RNF180: variants seen among roughly 807,000 people sequenced by gnomAD.
RNF180 encodes the protein ring finger protein 180.
RNF180 carries 38 observed loss-of-function variants against 59.2 expected under a neutral mutation model. The ratio of observed to expected loss-of-function variants is 0.64; its 90% CI spans 0.50 to 0.84. The LOEUF (loss-of-function observed/expected upper bound fraction) is 0.84, where lower values mean the gene tolerates loss of function less well. Ranked by LOEUF, RNF180 falls within the 40% of genes least tolerant of loss-of-function variation. The pLI is 0.00. For synonymous variants in RNF180, 262 were observed against 240.3 expected (o/e 1.09, Z -0.84); for missense variants, 705 against 700.9 (o/e 1.01, Z -0.07).
chr5:64,326,514 GCTGCATATT>G (rs1423399279), intron 6 of RNF180, among the ~76,000 whole-genome samples: 1 of 152,074 alleles, frequency 6.6e-6, no homozygotes, highest in African/African-American at 2.4e-5. Context: ...CTGCCATCAG[GCTGCATATT>G]CAGCTGGAGA....
chr5:64,180,588 G>A (rs939496132), intron 1 of RNF180, among the ~76,000 whole-genome samples: 2 of 152,074 alleles, frequency 1.3e-5, no homozygotes, highest in Admixed American at 6.5e-5. Flanking sequence ...GCAGGAGGAA[G>A]TACCTTAATT....
intron 2 of RNF180, among the ~76,000 whole-genome samples, chr5:64,207,577 A>T (rs1054472798): frequency 3.9e-4 from 60 of 152,154 alleles, no homozygotes; most frequent in Admixed American, 1.3e-4. Flanking sequence ...AGTCAGTGGG[A>T]GGAAGTAACA....
chr5:64,327,398 C>T (rs1744695369), intron 6 of RNF180, among the ~76,000 whole-genome samples: 1 of 151,990 alleles, frequency 6.6e-6, no homozygotes, highest in Non-Finnish European at 1.5e-5. Flanking sequence ...TGAAATCCTT[C>T]TAGTGCTTTG....
At chr5:64,300,164 T>C (rs1383728317) in intron 5 of RNF180, among the ~76,000 whole-genome samples, 1 of 151,674 alleles carries the variant, frequency 6.6e-6, no homozygotes, top group Non-Finnish European at 1.5e-5. Flanking sequence ...AGTGAAAAGG[T>C]GAAAATTCTC....
chr5:64,364,754 T>C (rs1053723615), intron 7 of RNF180, among the ~76,000 whole-genome samples: 2 of 151,746 alleles, frequency 1.3e-5, no homozygotes, highest in Non-Finnish European at 2.9e-5. Flanking sequence ...GAGGTCATTA[T>C]TGTTTTCTTT....
At position 64,234,578 on chromosome 5, in the gene RNF180, C is replaced by CTTTTTTTTT. The variant is rs1171637074; in HGVS notation, c.1227+17213_1227+17221dup. The stretch of plus-strand genomic sequence containing the variant: ...GCTTTCCAAATGGCAGTTACCCGTT[C>CTTTTTTTTT]TTTTTTTTTTTTTTTTTTTTTTTTT... On this transcript the variant is annotated intron_variant, in intron 5 of 7. Coordinates refer to ENST00000389100, the MANE Select transcript of RNF180 (RefSeq NM_001113561.2). Among the ~76,000 whole-genome samples, 193 of 48,524 alleles carry CTTTTTTTTT rather than the reference C, an allele frequency of 4.0e-3. 67 individuals carry two copies. Among genetic ancestry groups the CTTTTTTTTT allele is most frequent in the Non-Finnish European group, 5.2e-3 (137 of 26,118 alleles). The allele number at this position is 48,524 out of a possible 152,430, so 31.8% of individuals were successfully genotyped here. A position where few individuals can be genotyped will look rare whatever the true frequency, so the allele number is the denominator to read the frequency against.
At position 64,372,403 on chromosome 5, in the gene RNF180, A is replaced by T. The variant is rs1034088670; in HGVS notation, c.*2589A>T. On this transcript the variant is annotated 3_prime_UTR_variant, in exon 8 of 8. Transcript: ENST00000389100. The stretch of plus-strand genomic sequence containing the variant: ...AACAAAATCAGGAATGGAAAAAAAA[A>T]TTTCTGTATCTGCTGAATTATTAAT... 8 of 151,846 alleles carry T rather than the reference A, an allele frequency of 5.3e-5. No homozygotes were observed. The highest frequency in any genetic ancestry group is 1.0e-4 in the Non-Finnish European group (7 of 67,872). The allele number at this position is 151,846 out of a possible 1,614,324, so 9.4% of individuals were successfully genotyped here.
chr5:64,364,899 G>A lies in RNF180; in HGVS notation c.1580-4716G>A, dbSNP rs1267521344. 2.6e-5 allele frequency among the ~76,000 whole-genome samples: 4 copies of A among 151,402 alleles called. No homozygotes were observed. The East Asian group carries it at 7.8e-4, about 29-fold the overall frequency. On this transcript the variant is annotated intron_variant, in intron 7 of 7. Coordinates refer to ENST00000389100, the MANE Select transcript of RNF180 (RefSeq NM_001113561.2). Reference sequence around the variant, plus strand: ...CTCTAATGGTTACTTGTATTTCTGTGGAGTCAGTGGTGTAATATCCCCTTT... The same window carrying A: ...CTCTAATGGTTACTTGTATTTCTGTAGAGTCAGTGGTGTAATATCCCCTTT...
At chr5:64,258,119 G>C (rs1249979176) in intron 5 of RNF180, among the ~76,000 whole-genome samples, 2 of 152,152 alleles carry the variant, frequency 1.3e-5, no homozygotes, top group Non-Finnish European at 2.9e-5. Flanking sequence ...TGACAAGTGA[G>C]GCTGAGAAGA....
intron 5 of RNF180, among the ~76,000 whole-genome samples, chr5:64,267,523 C>G (rs577265230): frequency 6.6e-6 from 1 of 151,144 alleles, no homozygotes; most frequent in South Asian, 2.1e-4. Context: ...CCACAACAGT[C>G]CCCAGAGTGT....
chr5:64,197,137 G>T (rs1371683582), intron 1 of RNF180, among the ~76,000 whole-genome samples: 1 of 152,160 alleles, frequency 6.6e-6, no homozygotes, highest in Non-Finnish European at 1.5e-5. Context: ...GATAGACAAA[G>T]AAATGCAACT....
rs762665046 is a variant in RNF180 at position 64,371,613 on chromosome 5, C to T, written c.*1799C>T. The stretch of plus-strand genomic sequence containing the variant: ...CTCAGTCTACTAAATATTTATGATA[C>T]CCTTAAATAAACATGAACCTTTAAA... On this transcript the variant is annotated 3_prime_UTR_variant, in exon 8 of 8. Coordinates refer to ENST00000389100, the MANE Select transcript of RNF180 (RefSeq NM_001113561.2). 6.6e-6 allele frequency: 1 copy of T among 151,332 alleles called. No homozygotes were observed. Among genetic ancestry groups the T allele is most frequent in the Admixed American group, 6.6e-5 (1 of 15,136 alleles). 9.4% of individuals were successfully genotyped at this position (151,332 alleles called of 1,614,324 possible). A position where few individuals can be genotyped will look rare whatever the true frequency, so the allele number is the denominator to read the frequency against.
At chr5:64,196,584 A>C (rs1751468851) in intron 1 of RNF180, among the ~76,000 whole-genome samples, 1 of 152,042 alleles carries the variant, frequency 6.6e-6, no homozygotes, top group Non-Finnish European at 1.5e-5. Flanking sequence ...GAATTCCTGA[A>C]AGTAATCTTA....
At chr5:64,295,893 T>C (rs1439642936) in intron 5 of RNF180, among the ~76,000 whole-genome samples, 3 of 152,196 alleles carry the variant, frequency 2.0e-5, no homozygotes, top group Non-Finnish European at 2.9e-5. Context: ...TGGTTAAACA[T>C]AATATTCATG....
chr5:64,350,579 T>C (rs1662589865), intron 7 of RNF180, among the ~76,000 whole-genome samples: 1 of 152,152 alleles, frequency 6.6e-6, no homozygotes, highest in African/African-American at 2.4e-5. Flanking sequence ...TTGAATGAAT[T>C]TTTGTATAAG....
At chr5:64,257,065 T>C (rs7707650) in intron 5 of RNF180, among the ~76,000 whole-genome samples, 43,394 of 152,060 alleles carry the variant, frequency 0.29, 6,420 homozygotes, top group African/African-American at 0.35. Context: ...ATCCTGAGAC[T>C]TTGCTGAAGT....
At chr5:64,320,268 A>T (rs1397585226) in intron 5 of RNF180, among the ~76,000 whole-genome samples, 2 of 152,182 alleles carry the variant, frequency 1.3e-5, no homozygotes, top group African/African-American at 4.8e-5. Flanking sequence ...TTTGACATTT[A>T]CACTCTGACA....
chr5:64,188,291 T>A (rs1047584592), intron 1 of RNF180, among the ~76,000 whole-genome samples: 1 of 152,138 alleles, frequency 6.6e-6, no homozygotes, highest in Admixed American at 6.6e-5. Context: ...ACAAAAGGAA[T>A]GTTCTTTCTC....
chr5:64,298,403 TGA>T (rs922656092), intron 5 of RNF180, among the ~76,000 whole-genome samples: 34 of 152,128 alleles, frequency 2.2e-4, no homozygotes, highest in African/African-American at 7.9e-4. Context: ...CAATCCATCT[TGA>T]GTTAATTTTT....
Sources: gnomAD v4.1 joint callset for allele counts (sites outside exome capture counted in the v4.1 genomes callset) on GRCh38, gnomAD v4.1.1 for gene constraint, MANE v1.5 for transcripts, NCBI Gene and HGNC (gene_info 2026-07-23, HGNC 2026-07-21) for gene names.